The following ADAMTS16 variants were observed in gnomAD, a reference collection of about 807,000 sequenced individuals.
ADAMTS16 encodes ADAM metallopeptidase with thrombospondin type 1 motif 16.
Under a neutral mutation model 145.8 loss-of-function variants are expected in ADAMTS16, and 94 were observed. The observed-to-expected ratio is 0.64, with a 90% CI of 0.55 to 0.77. ADAMTS16 has a LOEUF of 0.77. ADAMTS16 is among the 30% of genes least tolerant of loss of function. The pLI is 0.00. For synonymous variants in ADAMTS16, 659 were observed against 604.3 expected (o/e 1.09, Z -1.33); for missense variants, 1,585 against 1,591.5 (o/e 1.00, Z 0.07).
intron 16 of ADAMTS16, 149 bp downstream of exon 16, chr5:5,240,074 T>G: frequency 7.7e-7 from 1 of 1,300,258 alleles, no homozygotes; most frequent in Non-Finnish European, 1.0e-6. Context: ...GCAGCAGGCT[T>G]GTTTTTATCA....
At chr5:5,194,872 GT>G (rs1294796263) in intron 8 of ADAMTS16, among the ~76,000 whole-genome samples, 1 of 152,074 alleles carries the variant, frequency 6.6e-6, no homozygotes, top group Non-Finnish European at 1.5e-5. Context: ...ATTAAAAAAC[GT>G]GTAAAACATA....
At chr5:5,199,267 T>C (rs1271204037) in intron 8 of ADAMTS16, among the ~76,000 whole-genome samples, 2 of 152,168 alleles carry the variant, frequency 1.3e-5, no homozygotes, top group Non-Finnish European at 2.9e-5. Context: ...TCAGGTGTTA[T>C]TAAGGGAGTG....
intron 3 of ADAMTS16, among the ~76,000 whole-genome samples, chr5:5,168,489 A>T (rs893307474): frequency 1.4e-5 from 2 of 144,718 alleles, no homozygotes; most frequent in Non-Finnish European, 1.5e-5. Context: ...AATTAAAAAA[A>T]AGCATTCAGG....
At chr5:5,193,170 C>T (rs564797792) in intron 8 of ADAMTS16, among the ~76,000 whole-genome samples, 45 of 144,806 alleles carry the variant, frequency 3.1e-4, no homozygotes, top group East Asian at 2.6e-3. Flanking sequence ...TGTGCGCGCG[C>T]GCACATATAC....
chr5:5,182,326 G>C (rs540092185), intron 4 of ADAMTS16, 21 bp downstream of exon 4: 1 of 1,599,530 alleles, frequency 6.3e-7, no homozygotes, highest in East Asian at 2.2e-5. Context: ...GCGAATCTTT[G>C]TGTGTATTTA....
chr5:5,212,570 T>A (rs539377979), intron 10 of ADAMTS16, among the ~76,000 whole-genome samples: 1 of 152,324 alleles, frequency 6.6e-6, no homozygotes, highest in Non-Finnish European at 1.5e-5. Context: ...ATTACTTTGC[T>A]TGATTTCTAC....
At chr5:5,159,960 A>T (rs1734697763) in intron 3 of ADAMTS16, among the ~76,000 whole-genome samples, 1 of 152,162 alleles carries the variant, frequency 6.6e-6, no homozygotes, top group Non-Finnish European at 1.5e-5. Flanking sequence ...TGCAGAGATG[A>T]CCTAACTGAA....
intron 18 of ADAMTS16, among the ~76,000 whole-genome samples, chr5:5,286,280 T>TTTTTGCAGCATAGACCAATAAATTA (rs1243696412): frequency 2.6e-5 from 4 of 152,222 alleles, no homozygotes; most frequent in African/African-American, 4.8e-5. Context: ...TGATTAGGCC[T>TTTTTGCAGCATAGACCAATAAATTA]TTTTGCAGCA....
intron 18 of ADAMTS16, among the ~76,000 whole-genome samples, chr5:5,283,894 C>G (rs983034000): frequency 2.0e-5 from 3 of 152,142 alleles, no homozygotes; most frequent in African/African-American, 7.2e-5. Context: ...GTATTCTTTA[C>G]TGGTCTGGTG....
intron 18 of ADAMTS16, among the ~76,000 whole-genome samples, chr5:5,277,613 C>T (rs73039185): frequency 0.04 from 6,161 of 152,264 alleles, 170 homozygotes; most frequent in African/African-American, 0.083. Context: ...TTTACTTTTA[C>T]GCCAAATGAA....
chr5:5,314,084 T>C (rs1289962365), intron 21 of ADAMTS16, among the ~76,000 whole-genome samples: 1 of 152,114 alleles, frequency 6.6e-6, no homozygotes, highest in African/African-American at 2.4e-5. Context: ...AGCAGAGGTG[T>C]CTGTGAATGA....
intron 5 of ADAMTS16, among the ~76,000 whole-genome samples, chr5:5,186,904 G>C (rs75512655): frequency 6.6e-6 from 1 of 152,096 alleles, no homozygotes; most frequent in Non-Finnish European, 1.5e-5. Context: ...GTATGTCTTT[G>C]CATTCTTCTG....
intron 21 of ADAMTS16, among the ~76,000 whole-genome samples, chr5:5,316,484 A>G (rs938071506): frequency 6.6e-6 from 1 of 152,210 alleles, no homozygotes; most frequent in African/African-American, 2.4e-5. Flanking sequence ...CAGATGACTC[A>G]ATCACAGATT....
intron 9 of ADAMTS16, among the ~76,000 whole-genome samples, chr5:5,200,508 G>A (rs1177604395): frequency 6.6e-6 from 1 of 152,202 alleles, no homozygotes; most frequent in African/African-American, 2.4e-5. Flanking sequence ...CTAAAAGGGA[G>A]CCATAAGACA....
At chr5:5,215,806 GTGTGGTATATATA>G (rs1335002474) in intron 10 of ADAMTS16, among the ~76,000 whole-genome samples, 6 of 33,346 alleles carry the variant, frequency 1.8e-4, no homozygotes, top group South Asian at 9.3e-4. Context: ...GTATATATAT[GTGTGGTATATATA>G]TGTGGTATAT....
intron 11 of ADAMTS16, among the ~76,000 whole-genome samples, chr5:5,229,368 A>C (rs1452445220): frequency 3.3e-5 from 5 of 151,298 alleles, no homozygotes; most frequent in Non-Finnish European, 5.9e-5. Flanking sequence ...AGAGAACGTT[A>C]GGTTCCGTTC....
intron 17 of ADAMTS16, among the ~76,000 whole-genome samples, chr5:5,249,423 C>T (rs981473646): frequency 3.3e-5 from 5 of 152,000 alleles, no homozygotes; most frequent in African/African-American, 1.2e-4. Flanking sequence ...GGGAGAGTGC[C>T]CTTGACTCCC....
At chr5:5,298,224 T>C (rs1174531433) in intron 18 of ADAMTS16, among the ~76,000 whole-genome samples, 1 of 152,236 alleles carries the variant, frequency 6.6e-6, no homozygotes, top group African/African-American at 2.4e-5. Flanking sequence ...ATTTCTGATA[T>C]ACTGACTGGT....
Position 5,262,796 on chromosome 5 carries a change from G to A in ADAMTS16, c.2789+13G>A, listed in dbSNP as rs376584814. 2.4e-5 allele frequency: 39 copies of A among 1,612,172 alleles called. No homozygotes were observed. In the African/African-American group the frequency reaches 3.6e-4, roughly 15 times the overall value. On this transcript the variant is annotated intron_variant, in intron 18 of 22. Coordinates refer to ENST00000274181, the MANE Select transcript of ADAMTS16 (RefSeq NM_139056.4). ...CCTGTCCTCCCAGGTAAGAAGCATC[G>A]CGTTCATCAAAGCAGGTTTCCCAGT...
Sources: gnomAD v4.1 joint callset for allele counts (sites outside exome capture counted in the v4.1 genomes callset) on GRCh38, gnomAD v4.1.1 for gene constraint, MANE v1.5 for transcripts, NCBI Gene and HGNC (gene_info 2026-07-23, HGNC 2026-07-21) for gene names.